The following TATDN1 variants were observed in gnomAD, a reference collection of about 807,000 sequenced individuals.
TATDN1 encodes TatD DNase domain containing 1.
TATDN1 carries 40 observed loss-of-function variants against 46.4 expected under a neutral mutation model. The observed-to-expected ratio is 0.86, with a 90% CI of 0.67 to 1.12. The LOEUF (loss-of-function observed/expected upper bound fraction) is 1.12, where lower values mean the gene tolerates loss of function less well. TATDN1 is among the 50% of genes most tolerant of loss of function. The probability of loss-of-function intolerance (pLI) is 0.00; values close to 1 mark genes in which losing one functional copy is unlikely to be tolerated. For synonymous variants in TATDN1, 95 were observed against 105.6 expected (o/e 0.90, Z 0.62); for missense variants, 326 against 348.4 (o/e 0.94, Z 0.51).
chr8:124,505,356 C>T (rs1818321867), intron 8 of TATDN1, among the ~76,000 whole-genome samples: 2 of 151,580 alleles, frequency 1.3e-5, no homozygotes, highest in Admixed American at 6.6e-5. Flanking sequence ...TACACTCCAG[C>T]CTGGGCAACA....
At chr8:124,533,251 CAA>C (rs138393666) in intron 1 of TATDN1, among the ~76,000 whole-genome samples, 1 of 93,402 alleles carries the variant, frequency 1.1e-5, no homozygotes. Flanking sequence ...GACTCTGTCT[CAA>C]AAAAAAAAAA....
At chr8:124,500,287 A>C (rs1817842428) in intron 9 of TATDN1, among the ~76,000 whole-genome samples, 10 of 152,266 alleles carry the variant, frequency 6.6e-5, no homozygotes, top group Admixed American at 6.5e-4. Context: ...GAAAATAAGA[A>C]TATAAACATC....
intron 11 of TATDN1, 91 bp from the exon 12 acceptor site, chr8:124,488,787 T>C: frequency 2.6e-6 from 2 of 762,880 alleles, no homozygotes; most frequent in Non-Finnish European, 4.5e-6. Context: ...AAGGAAAATA[T>C]TGGCACACCT....
At chr8:124,511,704 GA>G (rs1464721515) in intron 6 of TATDN1, among the ~76,000 whole-genome samples, 2 of 149,862 alleles carry the variant, frequency 1.3e-5, no homozygotes, top group Admixed American at 1.3e-4. Context: ...ACTAAAACAA[GA>G]AAAAAGTATT....
intron 6 of TATDN1, among the ~76,000 whole-genome samples, chr8:124,510,338 A>G (rs1818899940): frequency 1.3e-5 from 2 of 152,186 alleles, no homozygotes; most frequent in African/African-American, 4.8e-5. Context: ...CTTTACTAAT[A>G]TATTTGGCTC....
chr8:124,518,085 A>T (rs1368395697), intron 4 of TATDN1, among the ~76,000 whole-genome samples: 1 of 151,236 alleles, frequency 6.6e-6, no homozygotes, highest in Admixed American at 6.6e-5. Flanking sequence ...GGTGGCAGGC[A>T]CCTGTAGTCC....
chr8:124,526,664 C>T (rs1378512399), intron 1 of TATDN1: 4 of 152,222 alleles, frequency 2.6e-5, no homozygotes, highest in Non-Finnish European at 5.9e-5. Context: ...GCAGCACCTA[C>T]TTTATTATTT....
rs146590913 is a variant in TATDN1, at chr8:124,504,440, T to A, written c.517-93A>T. ...AAGACTTTGTAGGCAAAAATATAGA[T>A]CCCTGTAAGTTTTTGGACCTCAGGG... On this transcript the variant is annotated intron_variant, in intron 8 of 11. Transcript: ENST00000276692. 773 of 780,036 alleles carry A rather than the reference T, an allele frequency of 9.9e-4. 16 individuals are homozygous for A. In the East Asian group the frequency reaches 0.023, roughly 24 times the overall value. The allele number at this position is 780,036 out of a possible 1,614,324, so 48.3% of individuals were successfully genotyped here.
At chr8:124,492,255 G>A (rs1053855279) in intron 11 of TATDN1, among the ~76,000 whole-genome samples, 14 of 152,292 alleles carry the variant, frequency 9.2e-5, no homozygotes, top group African/African-American at 3.4e-4. Context: ...GATTACAGAT[G>A]TGAGCCACCA....
chr8:124,528,997 C>T (rs1206554348), intron 1 of TATDN1, among the ~76,000 whole-genome samples: 1 of 152,180 alleles, frequency 6.6e-6, no homozygotes, highest in Non-Finnish European at 1.5e-5. Flanking sequence ...GGGATAAGCC[C>T]GTGCCTAGGC....
intron 1 of TATDN1, among the ~76,000 whole-genome samples, chr8:124,528,519 T>C (rs1363898377): frequency 1.3e-5 from 2 of 152,146 alleles, no homozygotes; most frequent in African/African-American, 4.8e-5. Flanking sequence ...ACAGGAGGTA[T>C]GGGCCAAACA....
chr8:124,520,120 T>G (rs1419745150), intron 3 of TATDN1, among the ~76,000 whole-genome samples: 1 of 152,232 alleles, frequency 6.6e-6, no homozygotes, highest in Non-Finnish European at 1.5e-5. Flanking sequence ...TAGCCATAAT[T>G]AAATCCTTGA....
At chr8:124,530,244 A>T (rs1820844382) in intron 1 of TATDN1, among the ~76,000 whole-genome samples, 1 of 152,206 alleles carries the variant, frequency 6.6e-6, no homozygotes, top group South Asian at 2.1e-4. Context: ...ATCAACAGGG[A>T]AAGGGGTTGG....
At chr8:124,507,797 AAAC>A (rs1316763278) in intron 8 of TATDN1, among the ~76,000 whole-genome samples, 60 of 151,998 alleles carry the variant, frequency 3.9e-4, no homozygotes, top group African/African-American at 1.4e-3. Flanking sequence ...AAAAAAAAAA[AAAC>A]AAAAAACACA....
At chr8:124,507,094 G>A (rs1214977810) in intron 8 of TATDN1, among the ~76,000 whole-genome samples, 2 of 151,950 alleles carry the variant, frequency 1.3e-5, no homozygotes, top group East Asian at 1.9e-4. Flanking sequence ...CCCAGGTGAC[G>A]GAGGTTGCAG....
At chr8:124,505,531 TGTCTC>T in intron 8 of TATDN1, among the ~76,000 whole-genome samples, 1 of 145,402 alleles carries the variant, frequency 6.9e-6, no homozygotes. Context: ...TCAGCGAAAC[TGTCTC>T]AAAAAAAAAA....
chr8:124,533,790 A>G (rs1234384845), intron 1 of TATDN1, among the ~76,000 whole-genome samples: 4 of 151,932 alleles, frequency 2.6e-5, no homozygotes, highest in African/African-American at 9.7e-5. Context: ...GGGGCTTAGA[A>G]TTTTATTTTT....
chr8:124,503,434 G>A (rs1818147824), intron 9 of TATDN1, among the ~76,000 whole-genome samples: 1 of 152,006 alleles, frequency 6.6e-6, no homozygotes, highest in Non-Finnish European at 1.5e-5. Flanking sequence ...ATATTCCCTT[G>A]CATATTAATT....
rs1243076003 is a variant in TATDN1, at chr8:124,522,986, C to T, written c.39G>A (p.Leu13=). The T allele has an allele frequency of 6.2e-7, 1 of 1,612,956 alleles. No homozygotes were observed. The highest frequency in any genetic ancestry group is 1.3e-5 in the African/African-American group (1 of 74,904). The stretch of plus-strand genomic sequence containing the variant: ...AAATTCCTCTGAACATAGGGTCAGT[C>T]AAGTTGATACCAATATCTGTAGAAA... ...RFKFIDIGIN[L]TDPMFRGIYR... is the part of the protein sequence containing the mutation. Residue 13 remains leucine, a synonymous_variant, in exon 2 of 12, where the codon TTG becomes TTA. Coordinates refer to ENST00000276692, the MANE Select transcript of TATDN1 (RefSeq NM_032026.4).
Sources: gnomAD v4.1 joint callset for allele counts (sites outside exome capture counted in the v4.1 genomes callset) on GRCh38, gnomAD v4.1.1 for gene constraint, MANE v1.5 for transcripts, NCBI Gene and HGNC (gene_info 2026-07-23, HGNC 2026-07-21) for gene names.